UBXN2A: variants seen among roughly 807,000 people sequenced by gnomAD.
The protein encoded by UBXN2A is UBX domain-containing protein 2A.
A neutral mutation model predicts 28.4 loss-of-function variants in UBXN2A; 28 were observed. The observed-to-expected ratio is 0.99, with a 90% confidence interval of 0.73 to 1.35. The LOEUF (loss-of-function observed/expected upper bound fraction) is 1.35. Ranked by LOEUF, UBXN2A falls within the 40% of genes most tolerant of loss-of-function variation. The pLI is 0.00. For synonymous variants in UBXN2A, 97 were observed against 103.6 expected (o/e 0.94, Z 0.39); for missense variants, 253 against 297.9 (o/e 0.85, Z 1.11).
chr2:23,976,190 A>G, intron 3 of UBXN2A, among the ~76,000 whole-genome samples: 1 of 152,272 alleles, frequency 6.6e-6, no homozygotes, highest in South Asian at 2.1e-4. Context: ...TAAAAGTGTA[A>G]ATACTGTACA....
intron 2 of UBXN2A, among the ~76,000 whole-genome samples, chr2:23,960,445 GA>G (rs1055273024): frequency 2.8e-4 from 43 of 152,174 alleles, no homozygotes; most frequent in Admixed American, 2.7e-3. Context: ...TGGCTTTATT[GA>G]AATATAATTC....
chr2:23,979,735 A>AT (rs1214638750), intron 4 of UBXN2A, among the ~76,000 whole-genome samples: 1 of 151,738 alleles, frequency 6.6e-6, no homozygotes, highest in East Asian at 1.9e-4. Context: ...TGCCCAGCTA[A>AT]TTTTTTTTAA....
intron 1 of UBXN2A, among the ~76,000 whole-genome samples, chr2:23,932,189 G>A (rs1573517395): frequency 1.3e-5 from 2 of 151,884 alleles, no homozygotes; most frequent in Non-Finnish European, 2.9e-5. Context: ...ATGGTAGTGG[G>A]CACCTGTAAT....
At chr2:23,937,069 A>C (rs1705552349), upstream of UBXN2A, among the ~76,000 whole-genome samples, 1 of 151,770 alleles carries the variant, frequency 6.6e-6, no homozygotes, top group South Asian at 2.1e-4. Flanking sequence ...ATGTTGCCCC[A>C]GGTTGGTCTC....
Position 23,981,303 on chromosome 2 carries a change from C to CAAA in UBXN2A, c.288-1576_288-1574dup, listed in dbSNP as rs34236089. 2.5e-3 allele frequency among the ~76,000 whole-genome samples: 175 copies of CAAA among 69,476 alleles called. 4 individuals are homozygous for CAAA. The highest frequency in any genetic ancestry group is 2.7e-3 in the Non-Finnish European group (105 of 39,160). The allele number at this position is 69,476 out of a possible 152,430, so 45.6% of individuals were successfully genotyped here. A position where few individuals can be genotyped will look rare whatever the true frequency, so the allele number is the denominator to read the frequency against. On this transcript the variant is annotated intron_variant, in intron 4 of 6. Transcript: ENST00000309033. The stretch of plus-strand genomic sequence containing the variant: ...CCAACATAGCGAGAACCTGTCTCTA[C>CAAA]AAAAAAAAAAAAAAAAAAACCTAAA...
At chr2:23,964,836 T>C (rs752412186) in intron 2 of UBXN2A, among the ~76,000 whole-genome samples, 19 of 152,190 alleles carry the variant, frequency 1.2e-4, no homozygotes, top group Non-Finnish European at 1.9e-4. Flanking sequence ...TTATAGGAAC[T>C]CCTGACATTT....
At chr2:23,959,591 A>AT (rs1185432637) in intron 2 of UBXN2A, among the ~76,000 whole-genome samples, 2 of 152,182 alleles carry the variant, frequency 1.3e-5, no homozygotes, top group African/African-American at 4.8e-5. Context: ...AATTTGTAAG[A>AT]TTTAGAATGT....
intron 1 of UBXN2A, among the ~76,000 whole-genome samples, chr2:23,952,115 C>G (rs1369851647): frequency 6.6e-6 from 1 of 151,508 alleles, no homozygotes; most frequent in Non-Finnish European, 1.5e-5. Context: ...TACAAGCGCT[C>G]GCCATCACAC....
intron 1 of UBXN2A, among the ~76,000 whole-genome samples, chr2:23,928,596 T>C (rs1705242967): frequency 6.6e-6 from 1 of 151,960 alleles, no homozygotes; most frequent in Non-Finnish European, 1.5e-5. Context: ...AAAATAAAAT[T>C]CACAGTACAT....
intron 1 of UBXN2A, among the ~76,000 whole-genome samples, chr2:23,951,458 A>G (rs1357028360): frequency 1.2e-5 from 1 of 81,360 alleles, no homozygotes; most frequent in African/African-American, 4.2e-5. Context: ...ATATATATAT[A>G]TATATAGTTT....
chr2:23,930,073 A>G (rs746108776), intron 1 of UBXN2A, among the ~76,000 whole-genome samples: 11 of 152,092 alleles, frequency 7.2e-5, no homozygotes, highest in Non-Finnish European at 1.6e-4. Flanking sequence ...TAGTTTTAGT[A>G]GAGACGAGGT....
rs1480445184 is a variant in UBXN2A, at chr2:23,940,621, G to C, written c.-42G>C. 6.6e-6 allele frequency: 1 copy of C among 151,588 alleles called. No individual in the cohort carries two copies. The highest frequency in any genetic ancestry group is 1.5e-5 in the Non-Finnish European group (1 of 67,964). 9.4% of individuals were successfully genotyped at this position (151,588 alleles called of 1,614,324 possible). The stretch of plus-strand genomic sequence containing the variant: ...TGCCTGCGGTGCCTGAGCTGAGTGA[G>C]GCCGAGGCCGGGAGGCCGTGCCCGG... On this transcript the variant is annotated 5_prime_UTR_variant, in exon 1 of 7. Coordinates refer to ENST00000309033, the MANE Select transcript of UBXN2A (RefSeq NM_181713.4).
Position 23,999,993 on chromosome 2 carries a change from C to A in UBXN2A, c.*126C>A. On this transcript the variant is annotated 3_prime_UTR_variant, in exon 7 of 7. Coordinates refer to ENST00000309033, the MANE Select transcript of UBXN2A (RefSeq NM_181713.4). Reference sequence around the variant, plus strand: ...TGGTTCGAGTACTATTGAACTCTCTCCTGATGAGAAGATGTTTAGATAAGT... The same window carrying A: ...TGGTTCGAGTACTATTGAACTCTCTACTGATGAGAAGATGTTTAGATAAGT... The A allele has an allele frequency of 1.2e-6, 1 of 835,756 alleles. No homozygotes were observed. The highest frequency in any genetic ancestry group is 1.9e-6 in the Non-Finnish European group (1 of 538,568). 51.8% of individuals were successfully genotyped at this position (835,756 alleles called of 1,614,324 possible).
At chr2:23,947,755 G>C (rs1706159352) in intron 1 of UBXN2A, among the ~76,000 whole-genome samples, 1 of 152,136 alleles carries the variant, frequency 6.6e-6, no homozygotes, top group Non-Finnish European at 1.5e-5. Flanking sequence ...TGTGCTACTA[G>C]AAACTGTCAT....
chr2:23,963,980 A>G (rs1707049856), intron 2 of UBXN2A, among the ~76,000 whole-genome samples: 1 of 152,028 alleles, frequency 6.6e-6, no homozygotes, highest in Admixed American at 6.6e-5. Flanking sequence ...GAAAAATTGA[A>G]AAACTAGCCA....
intron 2 of UBXN2A, among the ~76,000 whole-genome samples, chr2:23,960,732 A>G (rs1206343286): frequency 6.6e-6 from 1 of 152,054 alleles, no homozygotes; most frequent in Non-Finnish European, 1.5e-5. Flanking sequence ...TCCCAGGTTC[A>G]AGCAATTCCC....
intron 1 of UBXN2A, among the ~76,000 whole-genome samples, chr2:23,957,691 G>A (rs962550561): frequency 7.9e-5 from 12 of 152,088 alleles, no homozygotes; most frequent in African/African-American, 2.2e-4. Context: ...AAAATTAGCC[G>A]GGTGTGGTGG....
chr2:23,979,296 G>C (rs1380689259), intron 4 of UBXN2A, among the ~76,000 whole-genome samples: 2 of 151,868 alleles, frequency 1.3e-5, no homozygotes, highest in Non-Finnish European at 2.9e-5. Context: ...AGTGAGCTGA[G>C]ATCATGCTAC....
chr2:23,981,009 A>C (rs570003499), intron 4 of UBXN2A, among the ~76,000 whole-genome samples: 1 of 152,178 alleles, frequency 6.6e-6, no homozygotes, highest in Non-Finnish European at 1.5e-5. Flanking sequence ...ATTCCTTATC[A>C]GATACATGAT....
Sources: gnomAD v4.1 joint callset for allele counts (sites outside exome capture counted in the v4.1 genomes callset) on GRCh38, gnomAD v4.1.1 for gene constraint, MANE v1.5 for transcripts, NCBI Gene and HGNC (gene_info 2026-07-23, HGNC 2026-07-21) for gene names.